The following CRYGN variants were observed in gnomAD, a reference collection of about 807,000 sequenced individuals.
CRYGN encodes the protein crystallin gamma N.
A neutral mutation model predicts 19.2 loss-of-function variants in CRYGN; 17 were observed. The ratio of observed to expected loss-of-function variants is 0.89; its 90% CI spans 0.61 to 1.33. The LOEUF is 1.33. Ranked by LOEUF, CRYGN falls within the 40% of genes most tolerant of loss-of-function variation. The probability of loss-of-function intolerance (pLI) is 0.00; values close to 1 mark genes in which losing one functional copy is unlikely to be tolerated. For synonymous variants in CRYGN, 84 were observed against 85.8 expected, an observed-to-expected ratio of 0.98 and a Z score of 0.12; for missense variants, 239 against 239.6, an observed-to-expected ratio of 1.00 and a Z score of 0.02.
rs1403032156 is a variant in CRYGN, at chr7:151,436,083, A to AC, written c.416+96dup. ...GCCCACTGCTGGAGGTCTCATTCCC[A>AC]CCCCACCCACCACCCCTGTGTGGCG... On this transcript the variant is annotated intron_variant, in intron 3 of 3. Transcript: ENST00000337323. This position sits in a 1 kb window ranked among gnomAD's most constrained non-coding sequence, Gnocchi z 5.1. 4.9e-6 allele frequency: 5 copies of AC among 1,024,274 alleles called. No individual in the cohort carries two copies. Among genetic ancestry groups the AC allele is most frequent in the Non-Finnish European group, 6.4e-6 (5 of 776,580 alleles). 63.4% of individuals were successfully genotyped at this position (1,024,274 alleles called of 1,614,324 possible).
rs1321645775 is a variant in CRYGN at position 151,435,574 on chromosome 7, TG to T, written c.416+605del. Among the ~76,000 whole-genome samples, 1 of 152,182 alleles carries T rather than the reference TG, an allele frequency of 6.6e-6. No homozygotes were observed. The highest frequency in any genetic ancestry group is 1.5e-5 in the Non-Finnish European group (1 of 68,034). On this transcript the variant is annotated intron_variant, in intron 3 of 3. Transcript: ENST00000337323. This position sits in a 1 kb window ranked among gnomAD's most constrained non-coding sequence, Gnocchi z 4.2. ...CAAGTGTGGGGCAGACAAACCCATCTGGGCCTGGGCAAAATTCCCCCAGCTA... is the reference window on the plus strand; with the variant it reads ...CAAGTGTGGGGCAGACAAACCCATCTGGCCTGGGCAAAATTCCCCCAGCTA...
chr7:151,440,759 G>GC (rs1801744123), upstream of CRYGN: 1 of 153,100 alleles, frequency 6.5e-6, no homozygotes, highest in South Asian at 2.1e-4. Flanking sequence ...GCACAAAGCA[G>GC]CCCCACCGCG....
chr7:151,440,150 A>C (rs902929399), upstream of CRYGN: 1 of 1,303,780 alleles, frequency 7.7e-7, no homozygotes, highest in Non-Finnish European at 9.8e-7. Context: ...TTAGCTCCCG[A>C]GCCTCCTTCC....
Position 151,437,984 on chromosome 7 carries a change from G to T in CRYGN, c.270+12C>A. The T allele has an allele frequency of 6.2e-7, 1 of 1,611,748 alleles. No homozygotes were observed. ...CAGGAAGACTCAGCCTTCGGTGGAC[G>T]GGCCCACTCACCATTCCTACAGGCC... On this transcript the variant is annotated intron_variant, in intron 2 of 3. Coordinates refer to ENST00000337323, the MANE Select transcript of CRYGN (RefSeq NM_144727.3).
rs752670297 is a variant in CRYGN at position 151,430,109 on chromosome 7, G to A, written c.488C>T (p.Pro163Leu). Residue 163 changes from proline (P) to leucine (L), a missense_variant, in exon 4 of 4, where the codon CCG becomes CTG. By Grantham distance (98) the Pro-to-Leu change is moderately conservative. Transcript: ENST00000337323. The surrounding 1 kb of genome is among the most constrained non-coding windows in gnomAD (Gnocchi z 5.2). Reference sequence around the variant, plus strand: ...TGCTGGTTTTGTGGTGGCCTCTTCCGGTCCTTGATCTGATTGAAGAGAGCT... The same window carrying A: ...TGCTGGTTTTGTGGTGGCCTCTTCCAGTCCTTGATCTGATTGAAGAGAGCT... The part of the protein sequence containing the change: ...LSSSLQSDQG[P>L]EEATTKPATT... The A allele has an allele frequency of 6.9e-6, 11 of 1,590,200 alleles. No individual in the cohort carries two copies. The highest frequency in any genetic ancestry group is 1.7e-4 in the Middle Eastern group (1 of 6,046).
chr7:151,437,882 C>T (rs1464027757), intron 2 of CRYGN, 114 bp downstream of exon 2: 2 of 1,566,088 alleles, frequency 1.3e-6, no homozygotes, highest in Non-Finnish European at 1.7e-6. Flanking sequence ...TTCAGTCTTA[C>T]AGACTTTAAA....
chr7:151,429,707 G>T lies in CRYGN; in HGVS notation c.*341C>A. 2 of 351,958 alleles carry T rather than the reference G, an allele frequency of 5.7e-6. No homozygotes were observed. The highest frequency in any genetic ancestry group is 5.9e-5 in the South Asian group (2 of 34,026). 21.8% of individuals were successfully genotyped at this position (351,958 alleles called of 1,614,324 possible). ...GATAAGTAAAATTACACAGATTCCAGCTACTACAGAGCCTGGCATTAAGTC... is the reference window on the plus strand; with the variant it reads ...GATAAGTAAAATTACACAGATTCCATCTACTACAGAGCCTGGCATTAAGTC... On this transcript the variant is annotated 3_prime_UTR_variant, in exon 4 of 4. Transcript: ENST00000337323.
chr7:151,440,030 C>T lies in CRYGN; in HGVS notation c.-113G>A, dbSNP rs1386887324. On this transcript the variant is annotated 5_prime_UTR_variant, in exon 1 of 4. Coordinates refer to ENST00000337323, the MANE Select transcript of CRYGN (RefSeq NM_144727.3). The stretch of plus-strand genomic sequence containing the variant: ...GCCGGCCCCGGAGCGTTAGTGCTGT[C>T]GGGCGTGCTAAGCCCGAGGGGCCAC... 6 of 1,383,866 alleles carry T rather than the reference C, an allele frequency of 4.3e-6. No individual in the cohort carries two copies. Among genetic ancestry groups the T allele is most frequent in the Non-Finnish European group, 3.7e-6 (4 of 1,067,660 alleles). The allele number at this position is 1,383,866 out of a possible 1,614,324, so 85.7% of individuals were successfully genotyped here.
chr7:151,440,168 G>A (rs1032805552), upstream of CRYGN: 86 of 1,218,048 alleles, frequency 7.1e-5, no homozygotes, highest in Non-Finnish European at 2.6e-5. Context: ...TCCTCCCTGA[G>A]CCCTCCCGCC....
chr7:151,432,378 C>T lies in CRYGN; in HGVS notation c.417-2198G>A, dbSNP rs1801492185. On this transcript the variant is annotated intron_variant, in intron 3 of 3. Transcript: ENST00000337323. ...TGCACAGCCTGGCCACCCAGCAACC[C>T]CTCCCGGTCGAGCGGCCCCTTCACT... The T allele has an allele frequency of 9.8e-6, 7 of 713,408 alleles. No homozygotes were observed. The East Asian group carries it at 2.4e-4, about 24-fold the overall frequency. The allele number at this position is 713,408 out of a possible 1,614,324, so 44.2% of individuals were successfully genotyped here.
Position 151,431,813 on chromosome 7 carries a change from C to T in CRYGN, c.417-1633G>A, listed in dbSNP as rs1801471978. On this transcript the variant is annotated intron_variant, in intron 3 of 3. Coordinates refer to ENST00000337323, the MANE Select transcript of CRYGN (RefSeq NM_144727.3). This position sits in a 1 kb window ranked among gnomAD's most constrained non-coding sequence, Gnocchi z 4.8. ...GCCTTTGGCCACATGGCCTGGCAGC[C>T]TCACCTTGCCGAGTCACAGAGAGGC... 1.1e-5 allele frequency: 2 copies of T among 187,010 alleles called. No homozygotes were observed. Among genetic ancestry groups the T allele is most frequent in the Non-Finnish European group, 2.2e-5 (2 of 91,124 alleles). The allele number at this position is 187,010 out of a possible 1,614,324, so 11.6% of individuals were successfully genotyped here.
At chr7:151,440,796 C>T (rs1172014572), upstream of CRYGN, 1 of 152,774 alleles carries the variant, frequency 6.5e-6, no homozygotes, top group South Asian at 2.1e-4. Context: ...GGGCCCAGAA[C>T]GAGCACTTGG....
At position 151,431,495 on chromosome 7, in the gene CRYGN, C is replaced by T. The variant is rs1222972714; in HGVS notation, c.417-1315G>A. On this transcript the variant is annotated intron_variant, in intron 3 of 3. Transcript: ENST00000337323. This position sits in a 1 kb window ranked among gnomAD's most constrained non-coding sequence, Gnocchi z 4.8. ...CGCTTGGTGCTGCACCAGCTGAAGA[C>T]GCGAGCCGCCGGTTCTGGGTCTGCC... Among the ~76,000 whole-genome samples, 4 of 152,148 alleles carry T rather than the reference C, an allele frequency of 2.6e-5. No homozygotes were observed. The highest frequency in any genetic ancestry group is 4.8e-5 in the African/African-American group (2 of 41,430).
rs1459101908 is a variant in CRYGN, at chr7:151,432,791, A to T, written c.417-2611T>A. ...TGCATTTCAGCCATCCTTGGCAAGG[A>T]TGCACTCCCGCCATCACTGCACGCC... On this transcript the variant is annotated intron_variant, in intron 3 of 3. Coordinates refer to ENST00000337323, the MANE Select transcript of CRYGN (RefSeq NM_144727.3). Among the ~76,000 whole-genome samples the T allele has an allele frequency of 2.6e-5, 4 of 152,092 alleles. No individual in the cohort carries two copies. In the East Asian group the frequency reaches 7.7e-4, roughly 29 times the overall value.
rs1801532162 is a variant in CRYGN at position 151,433,830 on chromosome 7, G to A, written c.416+2350C>T. 6.6e-6 allele frequency among the ~76,000 whole-genome samples: 1 copy of A among 152,200 alleles called. No homozygotes were observed. The highest frequency in any genetic ancestry group is 2.4e-5 in the African/African-American group (1 of 41,440). On this transcript the variant is annotated intron_variant, in intron 3 of 3. Coordinates refer to ENST00000337323, the MANE Select transcript of CRYGN (RefSeq NM_144727.3). This position sits in a 1 kb window ranked among gnomAD's most constrained non-coding sequence, Gnocchi z 5.1. Reference sequence around the variant, plus strand: ...TCCCCTGTCCTGGCTGTGGCTACTGGGAGGAGGCAGACAGAGGAAAGGGCA... The same window carrying A: ...TCCCCTGTCCTGGCTGTGGCTACTGAGAGGAGGCAGACAGAGGAAAGGGCA...
Position 151,430,031 on chromosome 7 carries a change from G to T in CRYGN, c.*17C>A. 1 of 895,550 alleles carries T rather than the reference G, an allele frequency of 1.1e-6. No homozygotes were observed. Among genetic ancestry groups the T allele is most frequent in the Non-Finnish European group, 1.9e-6 (1 of 522,890 alleles). The allele number at this position is 895,550 out of a possible 1,614,324, so 55.5% of individuals were successfully genotyped here. ...AGAAACGGTGCAGGTGCATTTACAT[G>T]TCAATCGGTTCCAGGCTCAGAGGTT... On this transcript the variant is annotated 3_prime_UTR_variant, in exon 4 of 4. Coordinates refer to ENST00000337323, the MANE Select transcript of CRYGN (RefSeq NM_144727.3). The surrounding 1 kb of genome is among the most constrained non-coding windows in gnomAD (Gnocchi z 5.2).
chr7:151,440,233 GTCTC>G, upstream of CRYGN: 1 of 583,420 alleles, frequency 1.7e-6, no homozygotes. Flanking sequence ...GAGGGGAGGT[GTCTC>G]TCTAGCCCTC....
In CRYGN at chr7:151,431,689, C is replaced by G. The variant is rs540761678; in HGVS notation, c.417-1509G>C. The G allele has an allele frequency of 6.5e-6, 1 of 152,802 alleles. No homozygotes were observed. Among genetic ancestry groups the G allele is most frequent in the South Asian group, 2.1e-4 (1 of 4,822 alleles). The allele number at this position is 152,802 out of a possible 1,614,324, so 9.5% of individuals were successfully genotyped here. ...CGCAGGAGAGGGGTCTGCCCTGGGT[C>G]GAAACCATCCTTCCAGAGGGGTCTC... On this transcript the variant is annotated intron_variant, in intron 3 of 3. Transcript: ENST00000337323. This position sits in a 1 kb window ranked among gnomAD's most constrained non-coding sequence, Gnocchi z 4.8.
At chr7:151,438,315 G>T in intron 1 of CRYGN, 71 bp from the exon 2 acceptor site, 1 of 1,488,810 alleles carries the variant, frequency 6.7e-7, no homozygotes, top group Non-Finnish European at 9.0e-7. Context: ...TGGCGTCTGG[G>T]TCCCAACACC....
Sources: gnomAD v4.1 joint callset for allele counts (sites outside exome capture counted in the v4.1 genomes callset) on GRCh38, gnomAD v4.1.1 for gene constraint, Gnocchi (gnomAD v3.1) non-coding constraint, MANE v1.5 for transcripts, NCBI Gene and HGNC (gene_info 2026-07-23, HGNC 2026-07-21) for gene names.